The following ZFHX2 variants were observed in gnomAD, a reference collection of about 807,000 sequenced individuals.
ZFHX2 encodes the protein zinc finger homeobox 2.
In ZFHX2, 75 loss-of-function variants were observed where a neutral mutation model predicts 164.8. The ratio of observed to expected loss-of-function variants is 0.46; its 90% CI spans 0.38 to 0.55. The LOEUF (loss-of-function observed/expected upper bound fraction) is 0.55. Ranked by LOEUF, ZFHX2 falls within the 20% of genes least tolerant of loss-of-function variation. ZFHX2 has a pLI of 0.00. For missense variants in ZFHX2, 2,933 were observed against 3,308.0 expected, an observed-to-expected ratio of 0.89 and a Z score of 2.78; for synonymous variants, 1,217 against 1,351.4, an observed-to-expected ratio of 0.90 and a Z score of 2.18.
In ZFHX2 at chr14:23,535,643, A is replaced by G. The variant is rs1312855848; in HGVS notation, c.-49-269T>C. ...GTTTTGCTCTTGTTGCCCAGGATGGAGTGCAATGGCGTGATCTCGGCTCAC... is the reference window on the plus strand; with the variant it reads ...GTTTTGCTCTTGTTGCCCAGGATGGGGTGCAATGGCGTGATCTCGGCTCAC... On this transcript the variant is annotated intron_variant, in intron 1 of 9. Coordinates refer to ENST00000419474, the MANE Select transcript of ZFHX2 (RefSeq NM_033400.3). This position sits in a 1 kb window ranked among gnomAD's most constrained non-coding sequence, Gnocchi z 4.5. Among the ~76,000 whole-genome samples the G allele has an allele frequency of 6.6e-6, 1 of 151,950 alleles. No homozygotes were observed. Among genetic ancestry groups the G allele is most frequent in the East Asian group, 1.9e-4 (1 of 5,174 alleles).
chr14:23,530,063 G>T, intron 5 of ZFHX2, 57 bp downstream of exon 5: 1 of 1,433,226 alleles, frequency 7.0e-7, no homozygotes, highest in Non-Finnish European at 9.5e-7. Flanking sequence ...ATTACTGCAA[G>T]GTCCCGTGAG....
chr14:23,545,374 A>T (rs1881283111), intron 1 of ZFHX2, among the ~76,000 whole-genome samples: 1 of 152,124 alleles, frequency 6.6e-6, no homozygotes, highest in East Asian at 1.9e-4. Flanking sequence ...TTCCCTGCGG[A>T]GGGGTCAGGC....
chr14:23,553,570 G>C (rs145062715), upstream of ZFHX2, among the ~76,000 whole-genome samples: 1,317 of 150,390 alleles, frequency 8.8e-3, 21 homozygotes, highest in African/African-American at 0.031. Context: ...TTGCACTCCA[G>C]CCTGGGCAAC....
chr14:23,527,829 A>G (rs1209129247), intron 6 of ZFHX2, 25 bp from the exon 7 acceptor site: 1 of 1,516,062 alleles, frequency 6.6e-7, no homozygotes, highest in Admixed American at 2.0e-5. Context: ...TGGGCAGTGG[A>G]CGAAGTGTCA....
chr14:23,532,827 T>G lies in ZFHX2; in HGVS notation c.2299A>C (p.Thr767Pro), dbSNP rs1358425908. ...THRCKLCCYG[T>P]QLKANFQLHL... ...AGTTGGAAGTTGGCCTTGAGCTGGG[T>G]GCCATAGCAGCAAAGCTTGCAGCGG... Residue 767 changes from threonine (T) to proline (P), a missense_variant, in exon 3 of 10, where the codon ACC (threonine) becomes CCC (proline). Thr to Pro is a conservative substitution (Grantham distance 38). Transcript: ENST00000419474. 6.5e-7 allele frequency: 1 copy of G among 1,536,416 alleles called. No individual in the cohort carries two copies. Among genetic ancestry groups the G allele is most frequent in the Non-Finnish European group, 8.7e-7 (1 of 1,147,040 alleles).
chr14:23,527,559 C>T, intron 7 of ZFHX2, 45 bp downstream of exon 7: 1 of 1,535,054 alleles, frequency 6.5e-7, no homozygotes, highest in Non-Finnish European at 8.7e-7. Context: ...CCTGCACAGC[C>T]CTAATAAGGT....
chr14:23,524,254 G>A lies in ZFHX2; in HGVS notation c.5688C>T (p.Leu1896=). Residue 1896 remains leucine (L), a synonymous_variant, in exon 9 of 10, where the codon CTC becomes CTT. Transcript: ENST00000419474. The surrounding 1 kb of genome is among the most constrained non-coding windows in gnomAD (Gnocchi z 5.6). The part of the protein sequence containing the change: ...MLDCISEEVG[L]KKRVVQVWFQ... ...ACCAGACCTGTACCACTCGCTTTTT[G>A]AGCCCCACCTCCTCGGAGATGCAGT... 6.5e-7 allele frequency: 1 copy of A among 1,536,322 alleles called. No homozygotes were observed. The highest frequency in any genetic ancestry group is 8.7e-7 in the Non-Finnish European group (1 of 1,146,936).
chr14:23,541,381 G>T (rs1880799090), intron 1 of ZFHX2, among the ~76,000 whole-genome samples: 1 of 150,984 alleles, frequency 6.6e-6, no homozygotes, highest in South Asian at 2.1e-4. Flanking sequence ...CTCCACCCCT[G>T]GGTTCAAGCG....
rs1419176090 is a variant in ZFHX2, at chr14:23,533,616, C to T, written c.1710G>A (p.Gln570=). 3 of 1,536,858 alleles carry T rather than the reference C, an allele frequency of 2.0e-6. No individual in the cohort carries two copies. Among genetic ancestry groups the T allele is most frequent in the Middle Eastern group, 1.7e-4 (1 of 5,996 alleles). ...DKEPKTKSSW[Q]CKVCSYETNI... is the part of the protein sequence containing the mutation. ...TTGTCTCGTAGCTGCACACCTTGCA[C>T]TGCCAGGATGATTTGGTCTTAGGCT... The change falls in exon 2 of 10, where the codon CAG becomes CAA. Residue 570 remains glutamine (Q), a synonymous_variant. Coordinates refer to ENST00000419474, the MANE Select transcript of ZFHX2 (RefSeq NM_033400.3). This position sits in a 1 kb window ranked among gnomAD's most constrained non-coding sequence, Gnocchi z 4.8.
chr14:23,531,169 G>A (rs1448321256), intron 4 of ZFHX2: 2 of 248,686 alleles, frequency 8.0e-6, no homozygotes, highest in East Asian at 1.6e-4. Flanking sequence ...GCTCCAGCCT[G>A]CCACCCTCCA....
At chr14:23,544,928 C>T (rs965498270) in intron 1 of ZFHX2, among the ~76,000 whole-genome samples, 2 of 152,040 alleles carry the variant, frequency 1.3e-5, no homozygotes, top group Non-Finnish European at 2.9e-5. Context: ...GTTCTTTTCC[C>T]TGGCCGTTTT....
In ZFHX2 at chr14:23,521,832, A is replaced by G; in HGVS notation, c.*130T>C. 2.1e-6 allele frequency: 3 copies of G among 1,449,126 alleles called. No individual in the cohort carries two copies. Among genetic ancestry groups the G allele is most frequent in the Non-Finnish European group, 2.7e-6 (3 of 1,101,288 alleles). 89.8% of individuals were successfully genotyped at this position (1,449,126 alleles called of 1,614,324 possible). ...GTGTGTGGTGCCCACTGAGGGTGGG[A>G]ACTGAACAGTTCCTGTGAGGTGGGC... On this transcript the variant is annotated 3_prime_UTR_variant, in exon 10 of 10. Coordinates refer to ENST00000419474, the MANE Select transcript of ZFHX2 (RefSeq NM_033400.3).
In ZFHX2 at chr14:23,521,797, T is replaced by C. The variant is rs1274664961; in HGVS notation, c.*165A>G. On this transcript the variant is annotated 3_prime_UTR_variant, in exon 10 of 10. Transcript: ENST00000419474. ...GGATTGGGAGGAGGCAGGACTCTGC[T>C]GGAAGTGGGGTGTGTGGTGCCCACT... The C allele has an allele frequency of 5.6e-6, 7 of 1,249,562 alleles. No homozygotes were observed. The highest frequency in any genetic ancestry group is 2.8e-4 in the Middle Eastern group (1 of 3,556). 77.4% of individuals were successfully genotyped at this position (1,249,562 alleles called of 1,614,324 possible). A position where few individuals can be genotyped will look rare whatever the true frequency, so the allele number is the denominator to read the frequency against.
chr14:23,529,350 C>G, intron 6 of ZFHX2: 1 of 247,776 alleles, frequency 4.0e-6, no homozygotes, highest in Non-Finnish European at 7.9e-6. Flanking sequence ...CTTTCTGCTC[C>G]TAACTAAGGG....
chr14:23,528,688 C>T, intron 6 of ZFHX2: 24 of 985,404 alleles, frequency 2.4e-5, no homozygotes, highest in Non-Finnish European at 2.9e-5. Context: ...CCTTATTTTC[C>T]ATCTTTCTTT....
chr14:23,530,231 G>T, intron 4 of ZFHX2, 37 bp from the exon 5 acceptor site: 1 of 1,446,628 alleles, frequency 6.9e-7, no homozygotes, highest in Non-Finnish European at 9.4e-7. Flanking sequence ...TTAAAGAGGT[G>T]TGGCATCAGG....
At position 23,524,402 on chromosome 14, in the gene ZFHX2, C is replaced by T. The variant is rs562671208; in HGVS notation, c.5540G>A (p.Gly1847Glu). 3.3e-4 allele frequency: 507 copies of T among 1,536,260 alleles called. No individual in the cohort carries two copies. Among genetic ancestry groups the T allele is most frequent in the Admixed American group, 5.9e-4 (30 of 51,010 alleles). Reference protein sequence around the residue: ...GSLSPTGSEAGGGGEGEPPRD... With the variant: ...GSLSPTGSEAEGGGEGEPPRD... ...GGGGGGCTCGCCCTCCCCTCCTCCC[C>T]CTGCTTCACTGCCTGTGGGAGACAA... The change falls in exon 9 of 10, where the codon GGG becomes GAG. Residue 1847 changes from glycine to glutamate, a missense_variant. Gly to Glu is a moderately conservative substitution (Grantham distance 98). Coordinates refer to ENST00000419474, the MANE Select transcript of ZFHX2 (RefSeq NM_033400.3). This position sits in a 1 kb window ranked among gnomAD's most constrained non-coding sequence, Gnocchi z 5.6.
rs1030650828 is a variant in ZFHX2, at chr14:23,524,779, C to T, written c.5163G>A (p.Glu1721=). The T allele has an allele frequency of 3.3e-6, 5 of 1,536,498 alleles. No individual in the cohort carries two copies. The highest frequency in any genetic ancestry group is 1.4e-5 in the African/African-American group (1 of 73,038). ...EEEVEEEEVE[E]EQGLEPPAGP... Reference sequence around the variant, plus strand: ...CTGCTGGAGGTTCAAGGCCCTGTTCCTCCTCTACTTCTTCTTCTTCCACCT... The same window carrying T: ...CTGCTGGAGGTTCAAGGCCCTGTTCTTCCTCTACTTCTTCTTCTTCCACCT... Residue 1721 remains glutamate (E), a synonymous_variant, in exon 9 of 10, where the codon GAG becomes GAA. Coordinates refer to ENST00000419474, the MANE Select transcript of ZFHX2 (RefSeq NM_033400.3). The surrounding 1 kb of genome is among the most constrained non-coding windows in gnomAD (Gnocchi z 5.6).
At position 23,535,433 on chromosome 14, in the gene ZFHX2, C is replaced by G. The variant is rs1880032825; in HGVS notation, c.-49-59G>C. 7.5e-7 allele frequency: 1 copy of G among 1,324,736 alleles called. No homozygotes were observed. The highest frequency in any genetic ancestry group is 2.6e-5 in the East Asian group (1 of 39,072). 82.1% of individuals were successfully genotyped at this position (1,324,736 alleles called of 1,614,324 possible). A position where few individuals can be genotyped will look rare whatever the true frequency, so the allele number is the denominator to read the frequency against. On this transcript the variant is annotated intron_variant, in intron 1 of 9. Coordinates refer to ENST00000419474, the MANE Select transcript of ZFHX2 (RefSeq NM_033400.3). The surrounding 1 kb of genome is among the most constrained non-coding windows in gnomAD (Gnocchi z 4.5). ...GGCTGCAGGGACCCCAGCTGGGCAG[C>G]TGGATCTCTGGATACTCCTGCCCCA... is the stretch of plus-strand genomic sequence containing the variant.
Sources: allele counts gnomAD v4.1 joint callset (sites outside exome capture counted in the v4.1 genomes callset), GRCh38; gene constraint gnomAD v4.1.1; non-coding constraint Gnocchi (gnomAD v3.1); transcripts MANE v1.5; gene names NCBI Gene and HGNC (gene_info 2026-07-23, HGNC 2026-07-21).